GMDS: variants seen among roughly 807,000 people sequenced by gnomAD.
GMDS encodes the protein GDP-mannose 4,6-dehydratase.
A neutral mutation model predicts 49.9 loss-of-function variants in GMDS; 20 were observed. That is an observed-to-expected ratio of 0.40 (90% confidence interval 0.28 to 0.58). GMDS has a LOEUF of 0.58. Among genes scored for constraint, GMDS ranks in the 20% least tolerant of loss-of-function variants. The probability of loss-of-function intolerance (pLI) is 0.42; values close to 1 mark genes in which losing one functional copy is unlikely to be tolerated. For missense variants in GMDS, 362 were observed against 481.4 expected (o/e 0.75, Z 2.32); for synonymous variants, 177 against 178.6 (o/e 0.99, Z 0.07).
At chr6:1,841,114 T>C (rs1290149196) in intron 7 of GMDS, among the ~76,000 whole-genome samples, 1 of 152,204 alleles carries the variant, frequency 6.6e-6, no homozygotes, top group Non-Finnish European at 1.5e-5. Context: ...TGTTGACTAA[T>C]GTTTTATAGT....
At chr6:1,992,975 T>C (rs1766048555) in intron 4 of GMDS, among the ~76,000 whole-genome samples, 1 of 152,246 alleles carries the variant, frequency 6.6e-6, no homozygotes, top group Non-Finnish European at 1.5e-5. Flanking sequence ...AGGACTATAT[T>C]TGAAATAGTT....
At chr6:1,707,175 A>C (rs565358926) in intron 9 of GMDS, among the ~76,000 whole-genome samples, 6 of 152,222 alleles carry the variant, frequency 3.9e-5, no homozygotes, top group Non-Finnish European at 8.8e-5. Context: ...GTTGGTTGTG[A>C]ATAGAAGGAA....
intron 9 of GMDS, among the ~76,000 whole-genome samples, chr6:1,708,534 C>T (rs190824192): frequency 2.6e-5 from 4 of 152,232 alleles, no homozygotes; most frequent in African/African-American, 7.2e-5. Flanking sequence ...AAGAATGGAT[C>T]GGGCGAGAGC....
At chr6:2,132,383 T>A (rs1445992759) in intron 1 of GMDS, among the ~76,000 whole-genome samples, 1 of 152,078 alleles carries the variant, frequency 6.6e-6, no homozygotes, top group African/African-American at 2.4e-5. Flanking sequence ...AAATAAGAAA[T>A]TTAGTCCCTG....
intron 4 of GMDS, among the ~76,000 whole-genome samples, chr6:2,040,810 C>T (rs922731627): frequency 2.0e-5 from 3 of 152,170 alleles, no homozygotes; most frequent in Admixed American, 6.5e-5. Context: ...GAAAAGAACA[C>T]CCTTATCTCT....
At chr6:1,643,613 TAG>T (rs1169312975) in intron 9 of GMDS, among the ~76,000 whole-genome samples, 5 of 151,930 alleles carry the variant, frequency 3.3e-5, no homozygotes, top group Admixed American at 2.6e-4. Flanking sequence ...AGCAGATGCA[TAG>T]AGACAGGGGT....
intron 4 of GMDS, among the ~76,000 whole-genome samples, chr6:2,037,249 C>G (rs1769358806): frequency 6.6e-6 from 1 of 152,192 alleles, no homozygotes; most frequent in Non-Finnish European, 1.5e-5. Flanking sequence ...AGATAAAAAT[C>G]TTAGTGGAGA....
Position 1,644,786 on chromosome 6 carries a change from C to T in GMDS, c.988-20246G>A, listed in dbSNP as rs373791291. Among the ~76,000 whole-genome samples the T allele has an allele frequency of 1.0e-3, 158 of 152,340 alleles. 1 individual carries two copies. The South Asian group carries it at 0.031, about 30-fold the overall frequency. On this transcript the variant is annotated intron_variant, in intron 9 of 10. Coordinates refer to ENST00000380815, the MANE Select transcript of GMDS (RefSeq NM_001500.4). ...ACCTGTACTGTGAGCCTTGCACCCA[C>T]TGCAAGCTCTGACAGCTTTGGCTCT...
At chr6:1,955,847 G>A (rs973625282) in intron 6 of GMDS, among the ~76,000 whole-genome samples, 14 of 152,114 alleles carry the variant, frequency 9.2e-5, no homozygotes, top group African/African-American at 3.4e-4. Flanking sequence ...AAACCGTAAT[G>A]AGCACGTGTC....
At chr6:2,079,290 T>C (rs1424181042) in intron 4 of GMDS, among the ~76,000 whole-genome samples, 1 of 152,014 alleles carries the variant, frequency 6.6e-6, no homozygotes, top group Non-Finnish European at 1.5e-5. Flanking sequence ...ATTATTAACA[T>C]GTGAGGTTTT....
At chr6:1,988,473 GA>G (rs978160221) in intron 4 of GMDS, among the ~76,000 whole-genome samples, 1 of 152,098 alleles carries the variant, frequency 6.6e-6, no homozygotes, top group African/African-American at 2.4e-5. Context: ...CGGTGGGGGC[GA>G]GGGGGGCTCC....
chr6:1,699,821 G>C (rs1364794387), intron 9 of GMDS, among the ~76,000 whole-genome samples: 1 of 152,188 alleles, frequency 6.6e-6, no homozygotes, highest in African/African-American at 2.4e-5. Flanking sequence ...CTTGGGGGTG[G>C]GGACATTCTC....
intron 8 of GMDS, among the ~76,000 whole-genome samples, chr6:1,741,406 G>C (rs1745869994): frequency 6.6e-6 from 1 of 151,946 alleles, no homozygotes; most frequent in African/African-American, 2.4e-5. Flanking sequence ...TCTTTCTTTA[G>C]ATTTCACAGG....
At chr6:1,868,939 AAT>A (rs1292092417) in intron 7 of GMDS, among the ~76,000 whole-genome samples, 1 of 152,264 alleles carries the variant, frequency 6.6e-6, no homozygotes, top group Non-Finnish European at 1.5e-5. Context: ...AAAATGATTT[AAT>A]ATGTTCTTAC....
chr6:1,841,918 C>T (rs1004649181), intron 7 of GMDS, among the ~76,000 whole-genome samples: 2 of 152,188 alleles, frequency 1.3e-5, no homozygotes, highest in African/African-American at 2.4e-5. Flanking sequence ...ACTTCCTCTC[C>T]GTTTTTCCCA....
rs115965558 is a variant in GMDS at position 2,205,109 on chromosome 6, C to T, written c.102+40212G>A. On this transcript the variant is annotated intron_variant, in intron 1 of 10. Coordinates refer to ENST00000380815, the MANE Select transcript of GMDS (RefSeq NM_001500.4). ...CTAAACCCTTTAACAGAGTTTTTCT[C>T]ACTTAATTCTCTCAGCAATCCCAAA... 6.6e-3 allele frequency among the ~76,000 whole-genome samples: 1,001 copies of T among 152,228 alleles called. 17 individuals are homozygous for T. The highest frequency in any genetic ancestry group is 0.023 in the African/African-American group (947 of 41,534).
At chr6:1,723,458 C>T (rs887434789) in intron 9 of GMDS, among the ~76,000 whole-genome samples, 4 of 151,872 alleles carry the variant, frequency 2.6e-5, no homozygotes, top group Non-Finnish European at 4.4e-5. Context: ...TCCTGAGTAG[C>T]TGGGACTACA....
intron 1 of GMDS, among the ~76,000 whole-genome samples, chr6:2,172,933 T>C (rs557664319): frequency 2.0e-4 from 30 of 152,234 alleles, no homozygotes; most frequent in South Asian, 1.0e-3. Flanking sequence ...GAAACATTTG[T>C]AAAAACTAAT....
chr6:1,893,810 T>G (rs1431417509), intron 7 of GMDS, among the ~76,000 whole-genome samples: 1 of 152,206 alleles, frequency 6.6e-6, no homozygotes, highest in Non-Finnish European at 1.5e-5. Context: ...GAAATTAAAT[T>G]AGCTCAACCA....
Sources: gnomAD v4.1 joint callset for allele counts (sites outside exome capture counted in the v4.1 genomes callset) on GRCh38, gnomAD v4.1.1 for gene constraint, MANE v1.5 for transcripts, NCBI Gene and HGNC (gene_info 2026-07-23, HGNC 2026-07-21) for gene names.